The following LDLRAD4 variants were observed in gnomAD, a reference collection of about 807,000 sequenced individuals.
LDLRAD4 encodes low-density lipoprotein receptor class A domain-containing protein 4.
A neutral mutation model predicts 17.0 loss-of-function variants in LDLRAD4; 5 were observed. The ratio of observed to expected loss-of-function variants is 0.29; its 90% CI spans 0.15 to 0.62. LDLRAD4 has a LOEUF of 0.62. LDLRAD4 is among the 20% of genes least tolerant of loss of function. LDLRAD4 has a pLI of 0.84. For synonymous variants in LDLRAD4, 168 were observed against 171.8 expected (o/e 0.98, Z 0.17); for missense variants, 340 against 424.7 (o/e 0.80, Z 1.75).
intron 2 of LDLRAD4, among the ~76,000 whole-genome samples, chr18:13,433,510 A>G (rs1224173888): frequency 6.6e-6 from 1 of 152,190 alleles, no homozygotes; most frequent in Non-Finnish European, 1.5e-5. Context: ...GTGTAGGGGA[A>G]ATTGAAAACA....
At chr18:13,227,070 T>C (rs981162745) in intron 1 of LDLRAD4, among the ~76,000 whole-genome samples, 7 of 152,194 alleles carry the variant, frequency 4.6e-5, no homozygotes, top group Admixed American at 1.3e-4. Flanking sequence ...AAATTCATGA[T>C]GGGCAGACAG....
chr18:13,301,976 G>C (rs778703900), intron 1 of LDLRAD4, among the ~76,000 whole-genome samples: 1 of 151,976 alleles, frequency 6.6e-6, no homozygotes, highest in Non-Finnish European at 1.5e-5. Flanking sequence ...CCAACCCTCA[G>C]TTTCCCTCCA....
chr18:13,569,051 G>A (rs963417644), intron 3 of LDLRAD4, among the ~76,000 whole-genome samples: 6 of 151,926 alleles, frequency 3.9e-5, no homozygotes, highest in Admixed American at 3.3e-4. Context: ...TGGATTACAC[G>A]AGCAACTACA....
chr18:13,453,734 C>T (rs901156878), intron 3 of LDLRAD4, among the ~76,000 whole-genome samples: 1 of 152,214 alleles, frequency 6.6e-6, no homozygotes, highest in African/African-American at 2.4e-5. Context: ...GCAGTGCCCA[C>T]CCATCCTCTG....
chr18:13,313,382 G>A (rs752426620), intron 1 of LDLRAD4, among the ~76,000 whole-genome samples: 2 of 152,164 alleles, frequency 1.3e-5, no homozygotes, highest in Non-Finnish European at 2.9e-5. Context: ...CTCACACAGA[G>A]CACACTAAGT....
At chr18:13,283,561 C>T (rs563765170) in intron 1 of LDLRAD4, among the ~76,000 whole-genome samples, 45 of 152,336 alleles carry the variant, frequency 3.0e-4, no homozygotes, top group African/African-American at 1.1e-3. Flanking sequence ...CTGAGACCAC[C>T]TCAGCCTGGA....
intron 1 of LDLRAD4, among the ~76,000 whole-genome samples, chr18:13,333,847 G>T (rs2081980358): frequency 6.6e-6 from 1 of 152,182 alleles, no homozygotes; most frequent in Non-Finnish European, 1.5e-5. Context: ...CTAGCACATT[G>T]AATTTGTTCT....
chr18:13,587,553 C>T (rs2094952350), intron 3 of LDLRAD4, among the ~76,000 whole-genome samples: 1 of 152,220 alleles, frequency 6.6e-6, no homozygotes, highest in South Asian at 2.1e-4. Context: ...TCAAGACATA[C>T]AGGCTTAGAC....
intron 3 of LDLRAD4, among the ~76,000 whole-genome samples, chr18:13,461,903 C>A (rs973724192): frequency 6.6e-6 from 1 of 152,132 alleles, no homozygotes; most frequent in African/African-American, 2.4e-5. Context: ...TTTTCATCTG[C>A]CACACAGAAA....
chr18:13,650,503 A>C (rs1300123762), exon 6 of LDLRAD4: 4 of 397,324 alleles, frequency 1.0e-5, no homozygotes, highest in Non-Finnish European at 1.8e-5. Context: ...TCAGCAACTA[A>C]GGTGCCTCAT....
chr18:13,396,650 A>G (rs1488460348), intron 2 of LDLRAD4, among the ~76,000 whole-genome samples: 1 of 151,982 alleles, frequency 6.6e-6, no homozygotes, highest in Non-Finnish European at 1.5e-5. Context: ...CATCTGGCTA[A>G]TTGTTTATTT....
intron 2 of LDLRAD4, among the ~76,000 whole-genome samples, chr18:13,408,465 A>T (rs974549943): frequency 3.1e-4 from 47 of 150,550 alleles, no homozygotes; most frequent in Middle Eastern, 3.4e-3. Flanking sequence ...CTTTTTTTTT[A>T]AATTTTTTTT....
chr18:13,270,940 T>C (rs2044500742), intron 1 of LDLRAD4, among the ~76,000 whole-genome samples: 1 of 152,264 alleles, frequency 6.6e-6, no homozygotes, highest in African/African-American at 2.4e-5. Context: ...GGATATTATC[T>C]GTGTATATAT....
intron 4 of LDLRAD4, among the ~76,000 whole-genome samples, chr18:13,640,319 G>A (rs368463776): frequency 4.9e-4 from 63 of 127,926 alleles, no homozygotes; most frequent in African/African-American, 1.6e-3. Flanking sequence ...AATGAAATCC[G>A]TTCAAGTATT....
chr18:13,391,342 T>C (rs2086260426), intron 2 of LDLRAD4, among the ~76,000 whole-genome samples: 2 of 152,082 alleles, frequency 1.3e-5, no homozygotes, highest in Admixed American at 1.3e-4. Flanking sequence ...AAGCTGCGTT[T>C]GTTTGGAGCG....
rs1360488225 is a variant in LDLRAD4 at position 13,621,939 on chromosome 18, G to A, written c.336+668G>A. On this transcript the variant is annotated intron_variant, in intron 4 of 5. Transcript: ENST00000359446. This position sits in a 1 kb window ranked among gnomAD's most constrained non-coding sequence, Gnocchi z 5.5. ...TATGATCAAACTTGAGAGACCAGGG[G>A]CTGCTGTCCCAAGCCTGTTTTACAG... Among the ~76,000 whole-genome samples, 1 of 152,166 alleles carries A rather than the reference G, an allele frequency of 6.6e-6. No homozygotes were observed. Among genetic ancestry groups the A allele is most frequent in the East Asian group, 1.9e-4 (1 of 5,192 alleles).
intron 1 of LDLRAD4, chr18:13,366,269 T>TGTCTGTAAATC (rs2084049854): frequency 6.6e-6 from 1 of 152,190 alleles, no homozygotes; most frequent in Non-Finnish European, 1.5e-5. Context: ...TAAATGTCTG[T>TGTCTGTAAATC]GTCTGTAAAT....
Position 13,622,050 on chromosome 18 carries a change from C to T in LDLRAD4, c.336+779C>T, listed in dbSNP as rs971663050. 1.3e-5 allele frequency among the ~76,000 whole-genome samples: 2 copies of T among 152,078 alleles called. No homozygotes were observed. Among genetic ancestry groups the T allele is most frequent in the African/African-American group, 2.4e-5 (1 of 41,392 alleles). ...AATCCTTGGCTTCCGTGATGGGCAG[C>T]GAGGCCGAGTCTCCACAGTGTGGAG... On this transcript the variant is annotated intron_variant, in intron 4 of 5. Coordinates refer to ENST00000359446, the Ensembl canonical transcript of LDLRAD4. This position sits in a 1 kb window ranked among gnomAD's most constrained non-coding sequence, Gnocchi z 5.3.
chr18:13,331,011 C>G (rs1017967638), intron 1 of LDLRAD4, among the ~76,000 whole-genome samples: 3 of 152,222 alleles, frequency 2.0e-5, no homozygotes, highest in Admixed American at 2.0e-4. Flanking sequence ...TTCCCCCATA[C>G]CTATGCATCT....
Sources: allele counts gnomAD v4.1 joint callset (sites outside exome capture counted in the v4.1 genomes callset), GRCh38; gene constraint gnomAD v4.1.1; non-coding constraint Gnocchi (gnomAD v3.1); transcripts MANE v1.5; gene names NCBI Gene and HGNC (gene_info 2026-07-23, HGNC 2026-07-21).